Variants in EPS15L1 observed in about 807,000 individuals in gnomAD.
EPS15L1 encodes epidermal growth factor receptor substrate 15-like 1.
EPS15L1 carries 43 observed loss-of-function variants against 117.1 expected under a neutral mutation model. The observed-to-expected ratio is 0.37, with a 90% CI of 0.29 to 0.47. The LOEUF is 0.47. EPS15L1 is among the 20% of genes least tolerant of loss of function. The pLI, the probability that EPS15L1 is intolerant of heterozygous loss-of-function variation, is 0.99. For synonymous variants in EPS15L1, 459 were observed against 470.5 expected (o/e 0.98, Z 0.32); for missense variants, 981 against 1,164.0 (o/e 0.84, Z 2.29).
At chr19:16,436,771 C>T in intron 6 of EPS15L1, 166 bp downstream of exon 6, 3 of 554,312 alleles carry the variant, frequency 5.4e-6, no homozygotes, top group Non-Finnish European at 6.4e-6. Flanking sequence ...GCGTTTCATC[C>T]AAGTGCTGTG....
rs1204475079 is a variant in EPS15L1, at chr19:16,405,254, C to T, written c.1267-505G>A. On this transcript the variant is annotated intron_variant, in intron 13 of 23. Transcript: ENST00000455140. This position sits in a 1 kb window ranked among gnomAD's most constrained non-coding sequence, Gnocchi z 4.0. ...AGCCTGGCGGAGGGAACCACAGGGACCCCAGGGTCGGGGGGTGTCGCACTC... is the reference window on the plus strand; with the variant it reads ...AGCCTGGCGGAGGGAACCACAGGGATCCCAGGGTCGGGGGGTGTCGCACTC... 6.6e-6 allele frequency among the ~76,000 whole-genome samples: 1 copy of T among 152,126 alleles called. No homozygotes were observed. Among genetic ancestry groups the T allele is most frequent in the East Asian group, 1.9e-4 (1 of 5,180 alleles).
At chr19:16,372,943 G>C (rs1473615114) in intron 22 of EPS15L1, among the ~76,000 whole-genome samples, 1 of 152,224 alleles carries the variant, frequency 6.6e-6, no homozygotes, top group East Asian at 1.9e-4. Context: ...CTCCTGTCCT[G>C]GCCTCACACA....
At chr19:16,467,147 T>G (rs1036073366) in intron 1 of EPS15L1, among the ~76,000 whole-genome samples, 1 of 151,034 alleles carries the variant, frequency 6.6e-6, no homozygotes, top group African/African-American at 2.4e-5. Context: ...CTGCTTTTCT[T>G]TTCTTTTTTT....
intron 7 of EPS15L1, among the ~76,000 whole-genome samples, chr19:16,429,176 G>T (rs989415666): frequency 2.0e-5 from 3 of 152,116 alleles, no homozygotes; most frequent in African/African-American, 7.2e-5. Flanking sequence ...GGGCAGGGCT[G>T]CGAGCTCATG....
rs1568418407 is a variant in EPS15L1, at chr19:16,400,012, G to GATGATAGAC, written c.1791+2300_1791+2308dup. Among the ~76,000 whole-genome samples the GATGATAGAC allele has an allele frequency of 9.9e-5, 15 of 152,248 alleles. No individual in the cohort carries two copies. The South Asian group carries it at 3.1e-3, about 32-fold the overall frequency. On this transcript the variant is annotated intron_variant, in intron 16 of 23. Coordinates refer to ENST00000455140, the MANE Select transcript of EPS15L1 (RefSeq NM_001258374.3). ...CAAGAGGTCAATATTCTCATAATCA[G>GATGATAGAC]ATGATAGACAAGAAATAAATATGGC...
Position 16,381,843 on chromosome 19 carries a change from G to A in EPS15L1, c.2247+3286C>T, listed in dbSNP as rs1037925658. ...CCTAGGGCCCGTGCGAGTCCCCCGC[G>A]GCCTGGGATGGGGAGCCAAGCAGGT... On this transcript the variant is annotated intron_variant, in intron 21 of 23. Transcript: ENST00000455140. This position sits in a 1 kb window ranked among gnomAD's most constrained non-coding sequence, Gnocchi z 4.2. Among the ~76,000 whole-genome samples, 35 of 152,326 alleles carry A rather than the reference G, an allele frequency of 2.3e-4. No homozygotes were observed. The highest frequency in any genetic ancestry group is 3.4e-3 in the Middle Eastern group (1 of 294).
chr19:16,380,289 A>G (rs1040454348), intron 21 of EPS15L1, among the ~76,000 whole-genome samples: 7 of 152,226 alleles, frequency 4.6e-5, no homozygotes, highest in African/African-American at 1.7e-4. Context: ...ATCTAGCCAC[A>G]CAGACACGGC....
intron 1 of EPS15L1, among the ~76,000 whole-genome samples, chr19:16,465,168 G>A (rs1183842842): frequency 6.6e-6 from 1 of 152,048 alleles, no homozygotes; most frequent in Non-Finnish European, 1.5e-5. Context: ...GCCATCCTGG[G>A]CCACATGCAG....
intron 22 of EPS15L1, among the ~76,000 whole-genome samples, chr19:16,369,295 C>T (rs887807351): frequency 6.6e-6 from 1 of 152,140 alleles, no homozygotes; most frequent in Non-Finnish European, 1.5e-5. Flanking sequence ...GCGATCGCAG[C>T]GTTGAGATTT....
At chr19:16,453,517 T>A (rs1002309888) in intron 1 of EPS15L1, among the ~76,000 whole-genome samples, 1 of 152,042 alleles carries the variant, frequency 6.6e-6, no homozygotes, top group Admixed American at 6.6e-5. Context: ...ATCGAGACCA[T>A]CCTGGCTAAC....
chr19:16,431,734 G>A (rs141566680), intron 7 of EPS15L1, among the ~76,000 whole-genome samples: 209 of 151,980 alleles, frequency 1.4e-3, no homozygotes, highest in African/African-American at 5.0e-3. Context: ...CAGTGTTTGA[G>A]GTGATGGATA....
chr19:16,470,736 C>T lies in EPS15L1; in HGVS notation c.33+1177G>A, dbSNP rs529700123. ...ACCAGTCATGCAAGCATGCAACCGG[C>T]CTATCAACTCTCTTTGGGTTTGGAA... is the stretch of plus-strand genomic sequence containing the variant. On this transcript the variant is annotated intron_variant, in intron 1 of 23. Transcript: ENST00000455140. Among the ~76,000 whole-genome samples the T allele has an allele frequency of 7.9e-5, 12 of 152,214 alleles. No individual in the cohort carries two copies. In the South Asian group the frequency reaches 1.5e-3, roughly 18 times the overall value.
At chr19:16,385,643 C>G (rs768048586) in intron 20 of EPS15L1, among the ~76,000 whole-genome samples, 101 of 152,176 alleles carry the variant, frequency 6.6e-4, no homozygotes, top group Non-Finnish European at 8.4e-4. Flanking sequence ...ACTGGATACA[C>G]TCGCCTATGA....
At chr19:16,397,385 C>T (rs188455423) in intron 16 of EPS15L1, among the ~76,000 whole-genome samples, 5 of 152,064 alleles carry the variant, frequency 3.3e-5, no homozygotes, top group East Asian at 1.9e-4. Context: ...CCACCGCGCC[C>T]GGCTGTTTGT....
intron 1 of EPS15L1, among the ~76,000 whole-genome samples, chr19:16,452,783 C>G (rs943053750): frequency 2.6e-5 from 4 of 151,930 alleles, no homozygotes; most frequent in African/African-American, 4.8e-5. Context: ...CCCTCTACAT[C>G]TATTTTATTT....
chr19:16,415,592 C>G (rs1407536441), intron 12 of EPS15L1, among the ~76,000 whole-genome samples: 4 of 152,328 alleles, frequency 2.6e-5, no homozygotes, highest in African/African-American at 9.6e-5. Flanking sequence ...TGGCTTATGG[C>G]AGTGTGAAAT....
chr19:16,400,356 C>A (rs113712937), intron 16 of EPS15L1, among the ~76,000 whole-genome samples: 2,292 of 122,266 alleles, frequency 0.019, 52 homozygotes, highest in Admixed American at 0.04. Flanking sequence ...AAAACAAAAA[C>A]AAAAAAAAAA....
chr19:16,366,902 T>C, intron 22 of EPS15L1, among the ~76,000 whole-genome samples: 1 of 152,166 alleles, frequency 6.6e-6, no homozygotes, highest in East Asian at 1.9e-4. Context: ...TGCTTTTATG[T>C]AACCACTTCT....
chr19:16,382,606 A>G (rs1346152462), intron 21 of EPS15L1, among the ~76,000 whole-genome samples: 1 of 151,680 alleles, frequency 6.6e-6, no homozygotes, highest in African/African-American at 2.4e-5. Flanking sequence ...CGACTAACCC[A>G]GTATTTCACA....
Sources: allele counts gnomAD v4.1 joint callset (sites outside exome capture counted in the v4.1 genomes callset), GRCh38; gene constraint gnomAD v4.1.1; non-coding constraint Gnocchi (gnomAD v3.1); transcripts MANE v1.5; gene names NCBI Gene and HGNC (gene_info 2026-07-23, HGNC 2026-07-21).